Variants in GSE1 observed in about 807,000 individuals in gnomAD.
The protein encoded by GSE1 is Gse1 coiled-coil protein.
Under a neutral mutation model 112.6 loss-of-function variants are expected in GSE1, and 32 were observed. The observed-to-expected ratio is 0.28, with a 90% CI of 0.21 to 0.38. The LOEUF is 0.38. Ranked by LOEUF, GSE1 falls within the 10% of genes least tolerant of loss-of-function variation. The probability of loss-of-function intolerance (pLI) is 1.00; values close to 1 mark genes in which losing one functional copy is unlikely to be tolerated. For synonymous variants in GSE1, 1,115 were observed against 735.6 expected (o/e 1.52, Z -8.35); for missense variants, 2,348 against 1,699.2 (o/e 1.38, Z -6.71).
intron 1 of GSE1, among the ~76,000 whole-genome samples, chr16:85,239,889 C>G (rs1247766912): frequency 1.3e-5 from 2 of 152,220 alleles, no homozygotes; most frequent in Admixed American, 1.3e-4. Flanking sequence ...GATTTGCCAC[C>G]TTAGGTCTGG....
intron 2 of GSE1, among the ~76,000 whole-genome samples, chr16:85,550,257 G>A (rs2044857151): frequency 6.6e-6 from 1 of 152,144 alleles, no homozygotes; most frequent in African/African-American, 2.4e-5. Context: ...GCCAGCTTGG[G>A]TTCCAACCCC....
At chr16:85,207,417 G>C (rs1421872574) in intron 1 of GSE1, among the ~76,000 whole-genome samples, 1 of 152,242 alleles carries the variant, frequency 6.6e-6, no homozygotes, top group East Asian at 1.9e-4. Flanking sequence ...TGAGGACCTG[G>C]TCCGTGCCGG....
At chr16:85,510,855 C>G (rs1172704340) in intron 2 of GSE1, among the ~76,000 whole-genome samples, 1 of 152,252 alleles carries the variant, frequency 6.6e-6, no homozygotes, top group Non-Finnish European at 1.5e-5. Context: ...CGTTCCCTTT[C>G]CCTGAAGCGC....
intron 2 of GSE1, among the ~76,000 whole-genome samples, chr16:85,478,873 TTC>T (rs1236918318): frequency 1.4e-4 from 7 of 50,804 alleles, no homozygotes; most frequent in African/African-American, 1.1e-3. Context: ...CTTTCTTTCT[TTC>T]TTTCTTTCTT....
intron 1 of GSE1, among the ~76,000 whole-genome samples, chr16:85,202,327 C>G (rs1216472426): frequency 1.3e-5 from 2 of 152,262 alleles, no homozygotes; most frequent in Admixed American, 1.3e-4. Flanking sequence ...CATTCTTCCC[C>G]GTTTGTGCCC....
In GSE1 at chr16:85,299,890, C is replaced by T. The variant is rs1439684296; in HGVS notation, c.2284-57573C>T. 2.6e-5 allele frequency among the ~76,000 whole-genome samples: 4 copies of T among 151,438 alleles called. No homozygotes were observed. In the East Asian group the frequency reaches 7.7e-4, roughly 29 times the overall value. ...GGTCGAGGCTTCTGTGAGCTCTGAT[C>T]CCACCACTGCACTCCAGCCTGGGTG... On this transcript the variant is annotated intron_variant, in intron 1 of 2. Coordinates refer to the GSE1 transcript ENST00000637419.
chr16:85,233,268 T>G (rs772113128), intron 1 of GSE1, among the ~76,000 whole-genome samples: 1 of 152,248 alleles, frequency 6.6e-6, no homozygotes, highest in Non-Finnish European at 1.5e-5. Flanking sequence ...TTTCGTCTTC[T>G]TAATCAAATC....
chr16:85,222,053 G>A (rs2075403465), intron 1 of GSE1, among the ~76,000 whole-genome samples: 1 of 152,166 alleles, frequency 6.6e-6, no homozygotes, highest in African/African-American at 2.4e-5. Flanking sequence ...CCTGGGGTAC[G>A]CAGGCCCAGG....
chr16:85,515,371 G>C (rs981237453), intron 2 of GSE1, among the ~76,000 whole-genome samples: 1 of 152,246 alleles, frequency 6.6e-6, no homozygotes, highest in Non-Finnish European at 1.5e-5. Context: ...GGGCTTCCGT[G>C]CTCAGCAGGG....
intron 1 of GSE1, among the ~76,000 whole-genome samples, chr16:85,180,317 C>A (rs1289660595): frequency 6.6e-6 from 1 of 152,246 alleles, no homozygotes; most frequent in Non-Finnish European, 1.5e-5. Flanking sequence ...CGAGAGTGGG[C>A]TGGGGAGAGG....
At chr16:85,312,210 G>GC (rs1555559898) in intron 1 of GSE1, among the ~76,000 whole-genome samples, 1 of 151,494 alleles carries the variant, frequency 6.6e-6, no homozygotes, top group African/African-American at 2.4e-5. Flanking sequence ...CTTGCGGGGG[G>GC]GGGGGGGACA....
At chr16:85,461,639 C>T (rs1367600844) in intron 2 of GSE1, among the ~76,000 whole-genome samples, 2 of 152,180 alleles carry the variant, frequency 1.3e-5, no homozygotes, top group Admixed American at 1.3e-4. Context: ...GGTAGTGGCT[C>T]AAATGAAAGC....
chr16:85,625,915 C>G (rs560150910), intron 1 of GSE1, among the ~76,000 whole-genome samples: 12 of 152,154 alleles, frequency 7.9e-5, no homozygotes, highest in Non-Finnish European at 4.4e-5. Context: ...CTGTGTTGCT[C>G]TTTCCTCCTG....
At chr16:85,273,869 T>G (rs1909095978) in intron 1 of GSE1, among the ~76,000 whole-genome samples, 1 of 151,316 alleles carries the variant, frequency 6.6e-6, no homozygotes. Context: ...TTGTATTTTT[T>G]TTTTTTTAGT....
intron 1 of GSE1, chr16:85,306,365 G>T (rs1449763319): frequency 1.3e-5 from 2 of 154,168 alleles, no homozygotes; most frequent in Non-Finnish European, 2.9e-5. Context: ...GTGCCTGAGC[G>T]GCAGTTGAGG....
chr16:85,567,686 A>C (rs547805552), intron 1 of GSE1, among the ~76,000 whole-genome samples: 2 of 152,336 alleles, frequency 1.3e-5, no homozygotes, highest in African/African-American at 4.8e-5. Flanking sequence ...GTGAGGGACA[A>C]GCCTGCCCAT....
intron 2 of GSE1, among the ~76,000 whole-genome samples, chr16:85,513,298 C>T (rs940594900): frequency 6.6e-6 from 1 of 152,188 alleles, no homozygotes; most frequent in African/African-American, 2.4e-5. Context: ...AACCCGGACT[C>T]TAGCCTATCT....
At chr16:85,302,261 A>G (rs2045548281) in intron 1 of GSE1, among the ~76,000 whole-genome samples, 1 of 152,204 alleles carries the variant, frequency 6.6e-6, no homozygotes, top group South Asian at 2.1e-4. Flanking sequence ...ATTAATCATT[A>G]TTAATTTAAT....
At chr16:85,246,883 A>G (rs1905908895) in intron 1 of GSE1, among the ~76,000 whole-genome samples, 2 of 152,106 alleles carry the variant, frequency 1.3e-5, no homozygotes, top group Non-Finnish European at 2.9e-5. Context: ...TTTGTCCCCC[A>G]CACCATAGCC....
Sources: gnomAD v4.1 joint callset for allele counts (sites outside exome capture counted in the v4.1 genomes callset) on GRCh38, gnomAD v4.1.1 for gene constraint, MANE v1.5 for transcripts, NCBI Gene and HGNC (gene_info 2026-07-23, HGNC 2026-07-21) for gene names.